ZNF568: variants seen among roughly 807,000 people sequenced by gnomAD.
ZNF568 encodes zinc finger protein 568, also known as p53 inhibitor of SCO2 activation.
A neutral mutation model predicts 18.1 loss-of-function variants in ZNF568; 11 were observed. The observed-to-expected ratio is 0.61, with a 90% CI of 0.38 to 1.00. The LOEUF (loss-of-function observed/expected upper bound fraction) is 1.00, where lower values mean the gene tolerates loss of function less well. ZNF568 is among the 50% of genes least tolerant of loss of function. The pLI is 0.01. For missense variants in ZNF568, 639 were observed against 768.2 expected (o/e 0.83, Z 1.99); for synonymous variants, 213 against 246.6 (o/e 0.86, Z 1.28).
intron 6 of ZNF568, among the ~76,000 whole-genome samples, chr19:36,958,658 G>T (rs183810129): frequency 9.7e-6 from 1 of 102,738 alleles, no homozygotes; most frequent in South Asian, 3.1e-4. Context: ...TCTCTCTTTC[G>T]CCCAGGCTGG....
At chr19:36,925,483 G>A (rs1644709) in intron 4 of ZNF568, among the ~76,000 whole-genome samples, 3,701 of 152,238 alleles carry the variant, frequency 0.024, 162 homozygotes, top group African/African-American at 0.084. Context: ...GATCTGGACA[G>A]TCAAAGCAAA....
chr19:36,951,900 G>C lies in ZNF568; in HGVS notation c.*812G>C, dbSNP rs2074065630. 4.5e-5 allele frequency: 44 copies of C among 980,434 alleles called. No homozygotes were observed. Among genetic ancestry groups the C allele is most frequent in the Non-Finnish European group, 5.2e-5 (43 of 826,462 alleles). The allele number at this position is 980,434 out of a possible 1,614,324, so 60.7% of individuals were successfully genotyped here. ...CCTCTTTGGCCTCCCAAAGTGCTGG[G>C]GTTTACAGGCTTGAGCCACTGCACC... is the stretch of plus-strand genomic sequence containing the variant. On this transcript the variant is annotated 3_prime_UTR_variant, in exon 7 of 7. Coordinates refer to ENST00000333987, the MANE Select transcript of ZNF568 (RefSeq NM_198539.4).
At chr19:36,933,687 GT>G (rs1338600927) in intron 4 of ZNF568, among the ~76,000 whole-genome samples, 2 of 151,454 alleles carry the variant, frequency 1.3e-5, no homozygotes, top group Non-Finnish European at 2.9e-5. Context: ...GGGCTCTAGT[GT>G]TTTTTTGGGG....
chr19:36,943,753 A>G (rs1384593498), intron 6 of ZNF568, among the ~76,000 whole-genome samples: 2 of 151,894 alleles, frequency 1.3e-5, no homozygotes, highest in East Asian at 3.9e-4. Context: ...TGTATTTTTA[A>G]GTAGAGATTG....
In ZNF568 at chr19:36,952,037, G is replaced by GATTTT; in HGVS notation, c.*949_*950insATTTT. On this transcript the variant is annotated 3_prime_UTR_variant, in exon 7 of 7. Coordinates refer to ENST00000333987, the MANE Select transcript of ZNF568 (RefSeq NM_198539.4). ...TTGTCTATGACGTTGAGGCCAAGGAGCTTTTTTTTTTTTTTTTTCAAGACA... is the reference window on the plus strand; with the variant it reads ...TTGTCTATGACGTTGAGGCCAAGGAGATTTTCTTTTTTTTTTTTTTTTTCAAGACA... 1 of 642,314 alleles carries GATTTT rather than the reference G, an allele frequency of 1.6e-6. No individual in the cohort carries two copies. The highest frequency in any genetic ancestry group is 1.8e-6 in the Non-Finnish European group (1 of 558,910). 39.8% of individuals were successfully genotyped at this position (642,314 alleles called of 1,614,324 possible). A position where few individuals can be genotyped will look rare whatever the true frequency, so the allele number is the denominator to read the frequency against.
In ZNF568 at chr19:36,961,153, T is replaced by C. The variant is rs371959064; in HGVS notation, c.359-13267T>C. 3.9e-5 allele frequency among the ~76,000 whole-genome samples: 6 copies of C among 152,288 alleles called. No homozygotes were observed. In the South Asian group the frequency reaches 1.2e-3, roughly 32 times the overall value. ...TTATTATTGTAATGCAGTCTCTCTC[T>C]TTAGATCTAGTAATATTTGCTTTAT... On this transcript the variant is annotated intron_variant, in intron 6 of 7. Coordinates refer to the ZNF568 transcript ENST00000427117.
chr19:36,990,563 G>A lies in ZNF568; in HGVS notation c.10-613G>A, dbSNP rs112213732. Among the ~76,000 whole-genome samples, 1,324 of 152,268 alleles carry A rather than the reference G, an allele frequency of 8.7e-3. 20 individuals are homozygous for A. Among genetic ancestry groups the A allele is most frequent in the African/African-American group, 0.03 (1,248 of 41,552 alleles). On this transcript the variant is annotated intron_variant, in intron 2 of 4. Coordinates refer to the ZNF568 transcript ENST00000433993. ...CTGGGAGACAGAGGTAGCAGTGAGC[G>A]GAGATGGTGCCACTGTACTCCAGCC...
chr19:36,957,022 T>C (rs1284527804), downstream of ZNF568, among the ~76,000 whole-genome samples: 2 of 152,066 alleles, frequency 1.3e-5, no homozygotes, highest in Non-Finnish European at 2.9e-5. Flanking sequence ...AATAAGAGCG[T>C]CATTGTTACA....
chr19:36,976,099 T>C (rs550950232), intron 7 of ZNF568, among the ~76,000 whole-genome samples: 12 of 152,336 alleles, frequency 7.9e-5, no homozygotes, highest in African/African-American at 2.9e-4. Context: ...TGATATACAA[T>C]TTTTGCAAAA....
chr19:36,933,747 G>C (rs1213842075), intron 4 of ZNF568, among the ~76,000 whole-genome samples: 1 of 151,658 alleles, frequency 6.6e-6, no homozygotes, highest in African/African-American at 2.4e-5. Flanking sequence ...TTTAGTATTA[G>C]GGTAATACTT....
At chr19:36,953,943 G>T (rs1431440841), downstream of ZNF568, among the ~76,000 whole-genome samples, 1 of 151,904 alleles carries the variant, frequency 6.6e-6, no homozygotes, top group Non-Finnish European at 1.5e-5. Context: ...AAGGAGATAG[G>T]CTGGGTGTGG....
chr19:36,936,667 G>A, intron 4 of ZNF568, 79 bp from the exon 5 acceptor site: 2 of 1,456,204 alleles, frequency 1.4e-6, no homozygotes, highest in Non-Finnish European at 1.9e-6. Flanking sequence ...CTGAGTACCA[G>A]CTAAACAAGT....
chr19:36,922,552 A>G, intron 2 of ZNF568, 34 bp from the exon 3 acceptor site: 1 of 410,192 alleles, frequency 2.4e-6, no homozygotes, highest in South Asian at 5.9e-5. Flanking sequence ...GTGAGAAGGC[A>G]CCAGGTAAAT....
At chr19:36,956,661 A>G (rs113683877), downstream of ZNF568, among the ~76,000 whole-genome samples, 1,981 of 151,942 alleles carry the variant, frequency 0.013, 46 homozygotes, top group African/African-American at 0.045. Context: ...ATGTGATGCA[A>G]TCTTGGCTCA....
intron 6 of ZNF568, among the ~76,000 whole-genome samples, chr19:36,969,299 C>A (rs1030723283): frequency 3.9e-5 from 6 of 152,136 alleles, no homozygotes; most frequent in African/African-American, 1.4e-4. Context: ...TGGAACAGAA[C>A]TAAAGAACCA....
exon 5 of ZNF568, chr19:36,996,682 C>A (rs1415155734): frequency 6.5e-6 from 10 of 1,535,740 alleles, no homozygotes; most frequent in Non-Finnish European, 7.8e-6. Flanking sequence ...CTTGATTAAG[C>A]ATCAGACGCT....
At chr19:36,976,665 C>A (rs1013795084) in intron 7 of ZNF568, among the ~76,000 whole-genome samples, 5 of 152,112 alleles carry the variant, frequency 3.3e-5, no homozygotes, top group Admixed American at 3.3e-4. Flanking sequence ...AATCCCAGCA[C>A]TTTGGGAGGC....
At chr19:36,957,277 G>C (rs2074115019), downstream of ZNF568, among the ~76,000 whole-genome samples, 1 of 140,068 alleles carries the variant, frequency 7.1e-6, no homozygotes, top group African/African-American at 2.6e-5. Context: ...TGTCGCCCAG[G>C]CTGGAGTGCA....
chr19:36,982,940 A>G (rs887001330), downstream of ZNF568, among the ~76,000 whole-genome samples: 1 of 152,240 alleles, frequency 6.6e-6, no homozygotes, highest in African/African-American at 2.4e-5. Context: ...TCAATTCTTC[A>G]TAATGTCTTT....
Sources: allele counts gnomAD v4.1 joint callset (sites outside exome capture counted in the v4.1 genomes callset), GRCh38; gene constraint gnomAD v4.1.1; transcripts MANE v1.5; gene names NCBI Gene and HGNC (gene_info 2026-07-23, HGNC 2026-07-21).